Variants in LCP2 observed in about 807,000 individuals in gnomAD.
LCP2 encodes 76 kDa tyrosine phosphoprotein.
Under a neutral mutation model 74.5 loss-of-function variants are expected in LCP2, and 29 were observed. That is an observed-to-expected ratio of 0.39 (90% CI 0.29 to 0.53). LCP2 has a LOEUF of 0.53. LCP2 is among the 20% of genes least tolerant of loss of function. The pLI, the probability that LCP2 is intolerant of heterozygous loss-of-function variation, is 0.72. For missense variants in LCP2, 604 were observed against 634.6 expected (o/e 0.95, Z 0.52); for synonymous variants, 228 against 229.5 (o/e 0.99, Z 0.06).
At chr5:170,281,707 C>T (rs1229241295) in intron 3 of LCP2, among the ~76,000 whole-genome samples, 1 of 152,202 alleles carries the variant, frequency 6.6e-6, no homozygotes, top group Non-Finnish European at 1.5e-5. Flanking sequence ...CCATTAGACT[C>T]ACAGCCTTAC....
chr5:170,250,713 A>G lies in LCP2; in HGVS notation c.1479+17T>C, dbSNP rs764672693. On this transcript the variant is annotated intron_variant, in intron 20 of 20. Coordinates refer to ENST00000046794, the MANE Select transcript of LCP2 (RefSeq NM_005565.5). ...AAATAAAGACTTTGGGAAAATGTCG[A>G]AATTTGAAATCCTTACCTCTTTCCC... The G allele has an allele frequency of 6.8e-6, 11 of 1,609,902 alleles. No homozygotes were observed. The East Asian group carries it at 1.1e-4, about 16-fold the overall frequency.
chr5:170,252,977 C>A, intron 18 of LCP2, 142 bp downstream of exon 18: 1 of 602,938 alleles, frequency 1.7e-6, no homozygotes, highest in Non-Finnish European at 2.9e-6. Flanking sequence ...TCATCTGGAT[C>A]TTCTCCTTTA....
Position 170,254,943 on chromosome 5 carries a change from T to A in LCP2, c.1150+1583A>T, listed in dbSNP as rs1410941033. Among the ~76,000 whole-genome samples the A allele has an allele frequency of 1.3e-5, 2 of 152,190 alleles. 1 individual carries two copies. The highest frequency in any genetic ancestry group is 4.8e-5 in the African/African-American group (2 of 41,438). ...GACCGAGGACCAGGTGTCCTGGCAG[T>A]CTTAGGGGAAAAGAGATCAATTTGG... On this transcript the variant is annotated intron_variant, in intron 17 of 20. Transcript: ENST00000046794.
chr5:170,289,671 T>TTCTTTCTC (rs1554141414), intron 2 of LCP2, among the ~76,000 whole-genome samples: 261 of 84,074 alleles, frequency 3.1e-3, no homozygotes, highest in Non-Finnish European at 3.8e-3. Flanking sequence ...CTTTCTTTCT[T>TTCTTTCTC]TCTCTCTCTC....
intron 13 of LCP2, 63 bp from the exon 14 acceptor site, chr5:170,261,200 G>A: frequency 1.6e-6 from 2 of 1,274,178 alleles, no homozygotes; most frequent in South Asian, 1.2e-5. Flanking sequence ...GCCAGCCTTA[G>A]AATACAGTTT....
In LCP2 at chr5:170,295,567, A is replaced by G. The variant is rs183899124; in HGVS notation, c.78+1967T>C. Among the ~76,000 whole-genome samples, 198 of 152,342 alleles carry G rather than the reference A, an allele frequency of 1.3e-3. 1 individual carries two copies. Among genetic ancestry groups the G allele is most frequent in the African/African-American group, 4.7e-3 (194 of 41,570 alleles). On this transcript the variant is annotated intron_variant, in intron 1 of 20. Coordinates refer to ENST00000046794, the MANE Select transcript of LCP2 (RefSeq NM_005565.5). ...TAAAGTGTGTCCGACCTCAGAGCTG[A>G]GTCGAGAGCTGTCTCCAAGGGAGGC...
At chr5:170,275,421 G>C (rs771461572) in intron 4 of LCP2, 70 bp from the exon 5 acceptor site, 73 of 1,565,738 alleles carry the variant, frequency 4.7e-5, no homozygotes, top group Non-Finnish European at 6.2e-5. Context: ...TCCTCAACCT[G>C]GTCCAGCGAG....
At chr5:170,297,103 C>T (rs1404159756) in intron 1 of LCP2, among the ~76,000 whole-genome samples, 1 of 152,190 alleles carries the variant, frequency 6.6e-6, no homozygotes, top group Non-Finnish European at 1.5e-5. Flanking sequence ...CTCTGCATCT[C>T]AGAGCATGGA....
intron 2 of LCP2, among the ~76,000 whole-genome samples, chr5:170,288,494 C>G (rs1280083737): frequency 6.6e-6 from 1 of 152,222 alleles, no homozygotes; most frequent in South Asian, 2.1e-4. Flanking sequence ...ACCTCTTTCA[C>G]CAGGGTTGTT....
rs746062837 is a variant in LCP2 at position 170,262,688 on chromosome 5, C to G, written c.873G>C (p.Thr291=). The G allele has an allele frequency of 6.2e-7, 1 of 1,613,868 alleles. No individual in the cohort carries two copies. The highest frequency in any genetic ancestry group is 8.5e-7 in the Non-Finnish European group (1 of 1,179,866). ...KIQKPPLPPT[T]ERHERSSPLP... is the part of the protein sequence containing the mutation. ...GGGGGCTGCTCCTTTCATGTCTTTC[C>G]GTGGTCGGTGGTAAAGGAGGCTTTT... Residue 291 remains threonine (T), a synonymous_variant, in exon 13 of 21, where the codon ACG becomes ACC. Coordinates refer to ENST00000046794, the MANE Select transcript of LCP2 (RefSeq NM_005565.5).
In LCP2 at chr5:170,249,390, C is replaced by CTA. The variant is rs200081642; in HGVS notation, c.1480-573_1480-572dup. On this transcript the variant is annotated intron_variant, in intron 20 of 20. Transcript: ENST00000046794. ...TATATATATATATATATCTACATAT[C>CTA]TATATATATATATATGTAATTTGAA... is the stretch of plus-strand genomic sequence containing the variant. 1.9e-3 allele frequency among the ~76,000 whole-genome samples: 264 copies of CTA among 141,252 alleles called. 1 individual carries two copies. Among genetic ancestry groups the CTA allele is most frequent in the East Asian group, 3.8e-3 (19 of 4,944 alleles). The allele number at this position is 141,252 out of a possible 152,430, so 92.7% of individuals were successfully genotyped here.
intron 4 of LCP2, 177 bp downstream of exon 4, chr5:170,275,618 A>G: frequency 7.6e-6 from 5 of 654,250 alleles, no homozygotes; most frequent in East Asian, 2.7e-5. Context: ...ACCCAGGGAC[A>G]GGATGCAGAG....
At chr5:170,262,814 T>C in intron 12 of LCP2, 28 bp downstream of exon 12, 1 of 1,614,016 alleles carries the variant, frequency 6.2e-7, no homozygotes, top group Non-Finnish European at 8.5e-7. Context: ...ACGTCCCATG[T>C]ACCCTCATGT....
chr5:170,269,473 A>T (rs373534995), intron 7 of LCP2, among the ~76,000 whole-genome samples: 1 of 152,230 alleles, frequency 6.6e-6, no homozygotes, highest in Admixed American at 6.5e-5. Context: ...CGCACTGGCC[A>T]TCTCTCAGCT....
chr5:170,296,708 C>A (rs1762391860), intron 1 of LCP2, among the ~76,000 whole-genome samples: 1 of 152,212 alleles, frequency 6.6e-6, no homozygotes, highest in Non-Finnish European at 1.5e-5. Context: ...GCGTTGTCCC[C>A]TTCTGCCAAT....
At position 170,275,915 on chromosome 5, in the gene LCP2, C is replaced by A. The variant is rs148220801; in HGVS notation, c.189-55G>T. 1.3e-4 allele frequency: 187 copies of A among 1,445,960 alleles called. 2 individuals are homozygous for A. Among genetic ancestry groups the A allele is most frequent in the Middle Eastern group, 1.2e-3 (7 of 5,780 alleles). The allele number at this position is 1,445,960 out of a possible 1,614,324, so 89.6% of individuals were successfully genotyped here. ...AAAACCATCACTCAGTCTCAACCTTCCCCCTGACCCTTGATATCCCCTGGT... is the reference window on the plus strand; with the variant it reads ...AAAACCATCACTCAGTCTCAACCTTACCCCTGACCCTTGATATCCCCTGGT... On this transcript the variant is annotated intron_variant, in intron 3 of 20. Coordinates refer to ENST00000046794, the MANE Select transcript of LCP2 (RefSeq NM_005565.5).
intron 7 of LCP2, 114 bp downstream of exon 7, chr5:170,270,605 C>T (rs115310752): frequency 2.3e-5 from 20 of 884,446 alleles, no homozygotes; most frequent in South Asian, 7.6e-5. Context: ...GAGCAGATAT[C>T]GAGACCCAGA....
chr5:170,251,552 C>G, intron 19 of LCP2: 2 of 443,982 alleles, frequency 4.5e-6, no homozygotes, highest in South Asian at 1.6e-5. Context: ...GTAAGGACTC[C>G]TTTAAACTAC....
intron 10 of LCP2, among the ~76,000 whole-genome samples, chr5:170,265,236 C>T (rs189287958): frequency 6.6e-6 from 1 of 152,232 alleles, no homozygotes; most frequent in African/African-American, 2.4e-5. Flanking sequence ...ATCTGCCCGC[C>T]TCAGCCTCCC....
Sources: allele counts gnomAD v4.1 joint callset (sites outside exome capture counted in the v4.1 genomes callset), GRCh38; gene constraint gnomAD v4.1.1; transcripts MANE v1.5; gene names NCBI Gene and HGNC (gene_info 2026-07-23, HGNC 2026-07-21).